The following DNAJC10 variants were observed in gnomAD, a reference collection of about 807,000 sequenced individuals.
DNAJC10 encodes DnaJ heat shock protein family (Hsp40) member C10.
Under a neutral mutation model 115.0 loss-of-function variants are expected in DNAJC10, and 101 were observed. That is an observed-to-expected ratio of 0.88 (90% CI 0.75 to 1.04). The LOEUF (loss-of-function observed/expected upper bound fraction) is 1.04. Ranked by LOEUF, DNAJC10 falls within the 50% of genes least tolerant of loss-of-function variation. The probability of loss-of-function intolerance (pLI) is 0.00; values close to 1 mark genes in which losing one functional copy is unlikely to be tolerated. For synonymous variants in DNAJC10, 307 were observed against 301.5 expected, an observed-to-expected ratio of 1.02 and a Z score of -0.19; for missense variants, 981 against 928.8, an observed-to-expected ratio of 1.06 and a Z score of -0.73.
chr2:182,724,201 A>T (rs1693225291), intron 5 of DNAJC10, among the ~76,000 whole-genome samples: 1 of 152,238 alleles, frequency 6.6e-6, no homozygotes, highest in African/African-American at 2.4e-5. Flanking sequence ...TACCTTGGAA[A>T]ATCACTTTAT....
rs1484800589 is a variant in DNAJC10, at chr2:182,784,866, A to G, written c.*7734A>G. On this transcript the variant is annotated 3_prime_UTR_variant, in exon 24 of 24. Coordinates refer to ENST00000264065, the MANE Select transcript of DNAJC10 (RefSeq NM_018981.4). ...TAGGCTTCCCTGAAGGATTTTAAGCAGAAATAACATCAGGTACCAGTAGAT... is the reference window on the plus strand; with the variant it reads ...TAGGCTTCCCTGAAGGATTTTAAGCGGAAATAACATCAGGTACCAGTAGAT... 6.6e-6 allele frequency: 1 copy of G among 152,170 alleles called. No homozygotes were observed. Among genetic ancestry groups the G allele is most frequent in the East Asian group, 1.9e-4 (1 of 5,190 alleles). The allele number at this position is 152,170 out of a possible 1,614,324, so 9.4% of individuals were successfully genotyped here. A position where few individuals can be genotyped will look rare whatever the true frequency, so the allele number is the denominator to read the frequency against.
At chr2:182,723,537 A>T (rs1693207574) in intron 5 of DNAJC10, among the ~76,000 whole-genome samples, 1 of 152,224 alleles carries the variant, frequency 6.6e-6, no homozygotes, top group Non-Finnish European at 1.5e-5. Flanking sequence ...TAATAGAATT[A>T]ATGCTCATGT....
At chr2:182,730,461 G>T in intron 8 of DNAJC10, 1 of 400,288 alleles carries the variant, frequency 2.5e-6, no homozygotes, top group Non-Finnish European at 5.0e-6. Context: ...TATAGTCCCT[G>T]CCATCAGTGA....
chr2:182,738,792 G>A (rs1242994740), intron 11 of DNAJC10, among the ~76,000 whole-genome samples: 2 of 152,006 alleles, frequency 1.3e-5, no homozygotes, highest in African/African-American at 2.4e-5. Flanking sequence ...TGCCGGCCTC[G>A]GCCTCCCAAA....
chr2:182,727,979 A>G (rs948968302), intron 5 of DNAJC10, among the ~76,000 whole-genome samples: 1 of 152,242 alleles, frequency 6.6e-6, no homozygotes, highest in Non-Finnish European at 1.5e-5. Context: ...TTGAATTGTT[A>G]AAAACCTCAA....
rs75267570 is a variant in DNAJC10 at position 182,737,688 on chromosome 2, A to G, written c.987+1302A>G. Reference sequence around the variant, plus strand: ...GCTCATTCAATATCTTCCTTAGGATATTAGTCAGTGTCTCAAATTTAAATG... The same window carrying G: ...GCTCATTCAATATCTTCCTTAGGATGTTAGTCAGTGTCTCAAATTTAAATG... On this transcript the variant is annotated intron_variant, in intron 11 of 23. Coordinates refer to ENST00000264065, the MANE Select transcript of DNAJC10 (RefSeq NM_018981.4). Among the ~76,000 whole-genome samples, 1,321 of 152,274 alleles carry G rather than the reference A, an allele frequency of 8.7e-3. 12 individuals carry two copies. Among genetic ancestry groups the G allele is most frequent in the African/African-American group, 0.031 (1,274 of 41,542 alleles).
At chr2:182,739,221 ATC>A (rs1023677773) in intron 11 of DNAJC10, among the ~76,000 whole-genome samples, 1 of 146,840 alleles carries the variant, frequency 6.8e-6, no homozygotes, top group African/African-American at 2.5e-5. Flanking sequence ...TATATATAAT[ATC>A]TCATATATAT....
chr2:182,749,088 T>A (rs1693947990), intron 14 of DNAJC10, among the ~76,000 whole-genome samples: 1 of 152,192 alleles, frequency 6.6e-6, no homozygotes, highest in African/African-American at 2.4e-5. Flanking sequence ...GTGTGGCCAA[T>A]TTTGGAATAG....
intron 1 of DNAJC10, 122 bp from the exon 2 acceptor site, chr2:182,716,894 C>A (rs2105596073): frequency 6.6e-6 from 1 of 152,376 alleles, no homozygotes; most frequent in Non-Finnish European, 1.5e-5. Context: ...ACGCTGAGAA[C>A]AACCCCTGGG....
At position 182,728,521 on chromosome 2, in the gene DNAJC10, A is replaced by G. The variant is rs563235105; in HGVS notation, c.419-55A>G. The G allele has an allele frequency of 7.5e-5, 99 of 1,316,384 alleles. No homozygotes were observed. The South Asian group carries it at 1.2e-3, about 16-fold the overall frequency. The allele number at this position is 1,316,384 out of a possible 1,614,324, so 81.5% of individuals were successfully genotyped here. ...TCCACAAAAAGTTTTTAACTAAAAT[A>G]TGCATGAACCTTTAATAAATAATTC... On this transcript the variant is annotated intron_variant, in intron 5 of 23. Coordinates refer to ENST00000264065, the MANE Select transcript of DNAJC10 (RefSeq NM_018981.4).
At chr2:182,772,712 T>G (rs1179395616) in intron 22 of DNAJC10, among the ~76,000 whole-genome samples, 3 of 152,224 alleles carry the variant, frequency 2.0e-5, no homozygotes, top group Non-Finnish European at 4.4e-5. Context: ...CTCCATCCCT[T>G]TATTTTGAGC....
At chr2:182,774,546 C>T (rs1325075227) in intron 22 of DNAJC10, among the ~76,000 whole-genome samples, 1 of 152,212 alleles carries the variant, frequency 6.6e-6, no homozygotes, top group Non-Finnish European at 1.5e-5. Context: ...CTTCTCAAGC[C>T]TCCACAATGG....
At chr2:182,724,887 C>T (rs1392457702) in intron 5 of DNAJC10, among the ~76,000 whole-genome samples, 7 of 152,112 alleles carry the variant, frequency 4.6e-5, no homozygotes, top group African/African-American at 9.7e-5. Context: ...GAGAAGTGCT[C>T]GATGAAGACA....
Position 182,751,732 on chromosome 2 carries a change from C to G in DNAJC10, c.1381C>G (p.Gln461Glu). ...VNSHVTTLGPQNFPANDKEPW... is the reference protein window; with the variant it reads ...VNSHVTTLGPENFPANDKEPW... ...TTCTCATGTTACCACGCTTGGACCT[C>G]AAAATTTTCCTGCCAATGACAAAGA... The change falls in exon 15 of 24, where the codon CAA (glutamine) becomes GAA (glutamate). Residue 461 changes from glutamine (Q) to glutamate (E), a missense_variant. Coordinates refer to ENST00000264065, the MANE Select transcript of DNAJC10 (RefSeq NM_018981.4). 6.2e-7 allele frequency: 1 copy of G among 1,614,056 alleles called. No homozygotes were observed. The highest frequency in any genetic ancestry group is 8.5e-7 in the Non-Finnish European group (1 of 1,179,972).
At chr2:182,750,883 T>G (rs1233470201) in intron 14 of DNAJC10, among the ~76,000 whole-genome samples, 1 of 152,198 alleles carries the variant, frequency 6.6e-6, no homozygotes, top group Non-Finnish European at 1.5e-5. Context: ...TGGTCCACCA[T>G]TGCCTGAAAT....
At position 182,777,252 on chromosome 2, in the gene DNAJC10, G is replaced by C; in HGVS notation, c.*120G>C. ...TGAACATTATCTTAGACTTGCAGTTGTACTGCCAGAATTATCTACAGCACT... is the reference window on the plus strand; with the variant it reads ...TGAACATTATCTTAGACTTGCAGTTCTACTGCCAGAATTATCTACAGCACT... On this transcript the variant is annotated 3_prime_UTR_variant, in exon 24 of 24. Transcript: ENST00000264065. The C allele has an allele frequency of 1.7e-6, 1 of 603,972 alleles. No homozygotes were observed. The highest frequency in any genetic ancestry group is 2.6e-6 in the Non-Finnish European group (1 of 385,376). The allele number at this position is 603,972 out of a possible 1,614,324, so 37.4% of individuals were successfully genotyped here.
chr2:182,763,427 C>T (rs1044929445), intron 22 of DNAJC10, among the ~76,000 whole-genome samples: 1 of 152,068 alleles, frequency 6.6e-6, no homozygotes, highest in African/African-American at 2.4e-5. Flanking sequence ...GGCAAGATAG[C>T]TCTTCTAAGA....
rs1695079008 is a variant in DNAJC10 at position 182,792,954 on chromosome 2, T to C, written c.*15822T>C. 6.6e-6 allele frequency: 1 copy of C among 152,202 alleles called. No homozygotes were observed. The highest frequency in any genetic ancestry group is 1.5e-5 in the Non-Finnish European group (1 of 68,022). The allele number at this position is 152,202 out of a possible 1,614,324, so 9.4% of individuals were successfully genotyped here. ...AATGTTAAGTATGTTAGAAGTATGTTAGAAGATGTGCTGTGAAATAAAGAA... is the reference window on the plus strand; with the variant it reads ...AATGTTAAGTATGTTAGAAGTATGTCAGAAGATGTGCTGTGAAATAAAGAA... On this transcript the variant is annotated 3_prime_UTR_variant, in exon 24 of 24. Coordinates refer to ENST00000264065, the MANE Select transcript of DNAJC10 (RefSeq NM_018981.4).
intron 23 of DNAJC10, among the ~76,000 whole-genome samples, chr2:182,776,225 C>G (rs1396867397): frequency 2.0e-5 from 3 of 151,908 alleles, no homozygotes; most frequent in African/African-American, 7.3e-5. Context: ...AATAAATATA[C>G]TGGAGCCTCA....
Sources: gnomAD v4.1 joint callset for allele counts (sites outside exome capture counted in the v4.1 genomes callset) on GRCh38, gnomAD v4.1.1 for gene constraint, MANE v1.5 for transcripts, NCBI Gene and HGNC (gene_info 2026-07-23, HGNC 2026-07-21) for gene names.